KEAP1: variants seen among roughly 807,000 people sequenced by gnomAD.
KEAP1 encodes kelch-like ECH-associated protein 1.
KEAP1 carries 26 observed loss-of-function variants against 59.7 expected under a neutral mutation model. The ratio of observed to expected loss-of-function variants is 0.44; its 90% CI spans 0.32 to 0.60. The LOEUF is 0.60. Ranked by LOEUF, KEAP1 falls within the 20% of genes least tolerant of loss-of-function variation. KEAP1 has a pLI of 0.06. For missense variants in KEAP1, 539 were observed against 871.4 expected, an observed-to-expected ratio of 0.62 and a Z score of 4.80; for synonymous variants, 350 against 358.3, an observed-to-expected ratio of 0.98 and a Z score of 0.26.
chr19:10,496,227 G>A (rs1240763927), intron 2 of KEAP1, among the ~76,000 whole-genome samples: 1 of 151,478 alleles, frequency 6.6e-6, no homozygotes, highest in Admixed American at 6.6e-5. Flanking sequence ...CAGGTGCGGT[G>A]GCTCACACAC....
Position 10,499,638 on chromosome 19 carries a change from G to A in KEAP1, c.396C>T (p.Val132=), listed in dbSNP as rs1343369207. 1 of 1,614,074 alleles carries A rather than the reference G, an allele frequency of 6.2e-7. No homozygotes were observed. The highest frequency in any genetic ancestry group is 8.5e-7 in the Non-Finnish European group (1 of 1,180,042). ...VVSIEGIHPK[V]MERLIEFAYT... is the part of the protein sequence containing the mutation. ...AGGCGAATTCAATGAGGCGCTCCAT[G>A]ACCTTGGGGTGGATACCCTCAATGG... Residue 132 remains valine, a synonymous_variant, in exon 2 of 6, where the codon GTC becomes GTT. Transcript: ENST00000171111. This position sits in a 1 kb window ranked among gnomAD's most constrained non-coding sequence, Gnocchi z 6.7.
rs1439183500 is a variant in KEAP1, at chr19:10,499,322, G to A, written c.639+73C>T. The A allele has an allele frequency of 1.5e-6, 2 of 1,325,712 alleles. No homozygotes were observed. The highest frequency in any genetic ancestry group is 1.4e-5 in the African/African-American group (1 of 69,058). 82.1% of individuals were successfully genotyped at this position (1,325,712 alleles called of 1,614,324 possible). ...GTTTCCTGCCTTGACATCTCAAGGGGAGACAGTGATGAGCACTCGTCCATC... is the reference window on the plus strand; with the variant it reads ...GTTTCCTGCCTTGACATCTCAAGGGAAGACAGTGATGAGCACTCGTCCATC... On this transcript the variant is annotated intron_variant, in intron 2 of 5. Coordinates refer to ENST00000171111, the MANE Select transcript of KEAP1 (RefSeq NM_203500.2). The surrounding 1 kb of genome is among the most constrained non-coding windows in gnomAD (Gnocchi z 6.7).
chr19:10,499,733 C>T lies in KEAP1; in HGVS notation c.301G>A (p.Ala101Thr), dbSNP rs2144628062. ...AQFMAHKVVL[A>T]SSSPVFKAMF... ...GCCTTGAAGACAGGGCTGGATGAGG[C>T]CAGCACCACCTTGTGGGCCATGAAC... is the stretch of plus-strand genomic sequence containing the variant. The change falls in exon 2 of 6, where the codon GCC (alanine) becomes ACC (threonine). Residue 101 changes from alanine to threonine, a missense_variant. Ala to Thr is a moderately conservative substitution (Grantham distance 58). This residue lies in a region of KEAP1 where 166 missense variants were observed against 295.8 expected (regional missense o/e 0.56). Coordinates refer to ENST00000171111, the MANE Select transcript of KEAP1 (RefSeq NM_203500.2). This position sits in a 1 kb window ranked among gnomAD's most constrained non-coding sequence, Gnocchi z 6.7. 3 of 1,614,144 alleles carry T rather than the reference C, an allele frequency of 1.9e-6. No individual in the cohort carries two copies. Among genetic ancestry groups the T allele is most frequent in the Non-Finnish European group, 2.5e-6 (3 of 1,180,038 alleles).
At chr19:10,487,036 T>TAAAAA in intron 5 of KEAP1, among the ~76,000 whole-genome samples, 1 of 92,016 alleles carries the variant, frequency 1.1e-5, no homozygotes, top group Non-Finnish European at 2.1e-5. Flanking sequence ...AGTCTCTTAC[T>TAAAAA]AAAAAAAAAA....
intron 2 of KEAP1, among the ~76,000 whole-genome samples, chr19:10,495,452 C>T (rs1011142472): frequency 9.8e-5 from 15 of 152,314 alleles, no homozygotes; most frequent in Admixed American, 5.9e-4. Context: ...AATCCCAGCA[C>T]TTTGGGAGGC....
intron 1 of KEAP1, among the ~76,000 whole-genome samples, chr19:10,500,939 C>T (rs1301451229): frequency 6.6e-6 from 1 of 152,094 alleles, no homozygotes; most frequent in Non-Finnish European, 1.5e-5. Flanking sequence ...CTTGGCATCC[C>T]GAAGTGCTGG....
intron 2 of KEAP1, among the ~76,000 whole-genome samples, chr19:10,495,373 C>T (rs940004119): frequency 6.6e-6 from 1 of 152,056 alleles, no homozygotes. Flanking sequence ...AAAAAATAAG[C>T]AATCACAATA....
rs2144603110 is a variant in KEAP1 at position 10,492,078 on chromosome 19, G to A, written c.824C>T (p.Ser275Leu). Reference sequence around the variant, plus strand: ...CATCTGCAGGAAGTTCGGCGTCAACGAGTGGCAGCGCACGGCCCGCAGCAG... The same window carrying A: ...CATCTGCAGGAAGTTCGGCGTCAACAAGTGGCAGCGCACGGCCCGCAGCAG... ...QALLRAVRCH[S>L]LTPNFLQMQL... The change falls in exon 3 of 6, where the codon TCG becomes TTG. Residue 275 changes from serine (S) to leucine (L), a missense_variant. By Grantham distance (145) the Ser-to-Leu change is moderately radical. Coordinates refer to ENST00000171111, the MANE Select transcript of KEAP1 (RefSeq NM_203500.2). 1 of 1,613,960 alleles carries A rather than the reference G, an allele frequency of 6.2e-7. No homozygotes were observed. The highest frequency in any genetic ancestry group is 8.5e-7 in the Non-Finnish European group (1 of 1,180,046).
chr19:10,486,388 G>C lies in KEAP1; in HGVS notation c.*264C>G, dbSNP rs960743121. ...GCCTATTACCCGGCCAGAGGGTTTGGGGGCCTCTCTCCTGGAAGCCTGCTC... is the reference window on the plus strand; with the variant it reads ...GCCTATTACCCGGCCAGAGGGTTTGCGGGCCTCTCTCCTGGAAGCCTGCTC... On this transcript the variant is annotated 3_prime_UTR_variant, in exon 6 of 6. Coordinates refer to ENST00000171111, the MANE Select transcript of KEAP1 (RefSeq NM_203500.2). The C allele has an allele frequency of 7.0e-5, 28 of 398,360 alleles. No homozygotes were observed. Among genetic ancestry groups the C allele is most frequent in the Non-Finnish European group, 1.1e-4 (25 of 220,236 alleles). The allele number at this position is 398,360 out of a possible 1,614,324, so 24.7% of individuals were successfully genotyped here.
chr19:10,487,985 G>A (rs1346681187), intron 5 of KEAP1, among the ~76,000 whole-genome samples: 5 of 152,032 alleles, frequency 3.3e-5, no homozygotes, highest in Non-Finnish European at 5.9e-5. Flanking sequence ...AAAATTAGCC[G>A]GGCGTGGTGG....
chr19:10,496,622 T>C (rs953290333), intron 2 of KEAP1, among the ~76,000 whole-genome samples: 2 of 151,262 alleles, frequency 1.3e-5, no homozygotes, highest in African/African-American at 4.9e-5. Flanking sequence ...GCCAACATGG[T>C]GAAACCCTGT....
chr19:10,486,802 G>A lies in KEAP1; in HGVS notation c.1725C>T (p.His575=), dbSNP rs781024114. 6.2e-7 allele frequency: 1 copy of A among 1,613,616 alleles called. No homozygotes were observed. The highest frequency in any genetic ancestry group is 2.2e-5 in the East Asian group (1 of 44,854). The change falls in exon 6 of 6, where the codon CAC becomes CAT. Residue 575 remains histidine, a synonymous_variant. Transcript: ENST00000171111. The part of the protein sequence containing the change: ...RIYVLGGYDG[H]TFLDSVECYD... ...AACACTCCACACTGTCCAGGAACGT[G>A]TGACCATCATAGCCTCCTGCGGGAA...
In KEAP1 at chr19:10,499,150, TTG is replaced by T. The variant is rs1474438058; in HGVS notation, c.639+243_639+244del. Among the ~76,000 whole-genome samples, 4 of 151,948 alleles carry T rather than the reference TTG, an allele frequency of 2.6e-5. 1 individual carries two copies. The highest frequency in any genetic ancestry group is 2.6e-4 in the Admixed American group (4 of 15,222). ...ACGCCCGGCCCCAGTTGTTTTTTGT[TTG>T]TGTGTTTGTTTGTTTAGAGACAGGG... On this transcript the variant is annotated intron_variant, in intron 2 of 5. Coordinates refer to ENST00000171111, the MANE Select transcript of KEAP1 (RefSeq NM_203500.2). This position sits in a 1 kb window ranked among gnomAD's most constrained non-coding sequence, Gnocchi z 6.7.
At chr19:10,496,493 C>CCT (rs140519129) in intron 2 of KEAP1, among the ~76,000 whole-genome samples, 9,820 of 144,042 alleles carry the variant, frequency 0.068, 424 homozygotes, top group Non-Finnish European at 0.089. Flanking sequence ...AGACTCTGTC[C>CCT]CCCACCCCCA....
In KEAP1 at chr19:10,499,823, G is replaced by T. The variant is rs541663797; in HGVS notation, c.211C>A (p.Arg71=). ...ACGTCACACAGCTGCTGGCTGAGCCGCAGCTCGTTCATGATGCCAAAGGCC... is the reference window on the plus strand; with the variant it reads ...ACGTCACACAGCTGCTGGCTGAGCCTCAGCTCGTTCATGATGCCAAAGGCC... ...KQAFGIMNEL[R]LSQQLCDVTL... The change falls in exon 2 of 6, where the codon CGG becomes AGG. Residue 71 remains arginine (R), a synonymous_variant. Coordinates refer to ENST00000171111, the MANE Select transcript of KEAP1 (RefSeq NM_203500.2). The surrounding 1 kb of genome is among the most constrained non-coding windows in gnomAD (Gnocchi z 6.7). 1 of 1,613,972 alleles carries T rather than the reference G, an allele frequency of 6.2e-7. No individual in the cohort carries two copies. Among genetic ancestry groups the T allele is most frequent in the Non-Finnish European group, 8.5e-7 (1 of 1,180,024 alleles).
intron 2 of KEAP1, among the ~76,000 whole-genome samples, chr19:10,495,842 T>C (rs1395010735): frequency 6.6e-6 from 1 of 152,142 alleles, no homozygotes; most frequent in East Asian, 1.9e-4. Flanking sequence ...ATTATATTAA[T>C]GGCCACCTCA....
chr19:10,492,351 G>T, intron 2 of KEAP1, 89 bp from the exon 3 acceptor site: 5 of 923,168 alleles, frequency 5.4e-6, no homozygotes, highest in Non-Finnish European at 6.7e-6. Flanking sequence ...TATCACTGCC[G>T]CTGACAGTCT....
Sources: gnomAD v4.1 joint callset for allele counts (sites outside exome capture counted in the v4.1 genomes callset) on GRCh38, gnomAD v4.1.1 for gene constraint, gnomAD v4.1.1 regional missense constraint, Gnocchi (gnomAD v3.1) non-coding constraint, MANE v1.5 for transcripts, NCBI Gene and HGNC (gene_info 2026-07-23, HGNC 2026-07-21) for gene names.